KCTD8: variants seen among roughly 807,000 people sequenced by gnomAD.
KCTD8 encodes the protein potassium channel tetramerization domain containing 8, also known as BTB/POZ domain-containing protein KCTD8.
A neutral mutation model predicts 31.5 loss-of-function variants in KCTD8; 27 were observed. The observed-to-expected ratio is 0.86, with a 90% CI of 0.63 to 1.18. The LOEUF is 1.18. KCTD8 is among the 50% of genes most tolerant of loss of function. KCTD8 has a pLI of 0.00. For missense variants in KCTD8, 658 were observed against 647.7 expected, an observed-to-expected ratio of 1.02 and a Z score of -0.17; for synonymous variants, 290 against 280.0, an observed-to-expected ratio of 1.04 and a Z score of -0.36.
intron 1 of KCTD8, among the ~76,000 whole-genome samples, chr4:44,340,302 A>ATT (rs34679049): frequency 6.3e-5 from 9 of 143,072 alleles, no homozygotes; most frequent in Admixed American, 1.5e-4. Flanking sequence ...ACATATGTAC[A>ATT]TTTTTGTTTT....
At chr4:44,331,932 T>C (rs953235008) in intron 1 of KCTD8, among the ~76,000 whole-genome samples, 7 of 151,272 alleles carry the variant, frequency 4.6e-5, no homozygotes, top group Non-Finnish European at 8.9e-5. Flanking sequence ...TCCACGTAAA[T>C]AACTGTATCT....
At chr4:44,392,378 G>A (rs571470998) in intron 1 of KCTD8, among the ~76,000 whole-genome samples, 2 of 151,964 alleles carry the variant, frequency 1.3e-5, no homozygotes, top group South Asian at 4.1e-4. Flanking sequence ...ATAACATATT[G>A]TTGACAATAT....
intron 1 of KCTD8, among the ~76,000 whole-genome samples, chr4:44,217,332 T>C (rs1185628908): frequency 6.6e-6 from 1 of 152,084 alleles, no homozygotes; most frequent in Non-Finnish European, 1.5e-5. Flanking sequence ...TGACCCAAAA[T>C]TAAGGGTGGA....
chr4:44,244,783 C>T (rs923538614), intron 1 of KCTD8, among the ~76,000 whole-genome samples: 9 of 150,962 alleles, frequency 6.0e-5, no homozygotes. Context: ...GTTTCCTCAC[C>T]TCAGTCTACC....
chr4:44,292,728 A>G (rs1717317045), intron 1 of KCTD8, among the ~76,000 whole-genome samples: 1 of 152,164 alleles, frequency 6.6e-6, no homozygotes, highest in African/African-American at 2.4e-5. Flanking sequence ...AAAAAAGTCT[A>G]GGAAGTATCA....
At chr4:44,271,998 C>T (rs1716621824) in intron 1 of KCTD8, among the ~76,000 whole-genome samples, 1 of 151,748 alleles carries the variant, frequency 6.6e-6, no homozygotes, top group Admixed American at 6.6e-5. Flanking sequence ...GTTAGTTCCT[C>T]TATCAAATGA....
chr4:44,247,448 A>ATGTG (rs144194013), intron 1 of KCTD8, among the ~76,000 whole-genome samples: 1 of 151,376 alleles, frequency 6.6e-6, no homozygotes, highest in African/African-American at 2.4e-5. Context: ...TAGTGTGTGT[A>ATGTG]TGTGTGTGTG....
chr4:44,186,875 A>G (rs1022265176), intron 1 of KCTD8, among the ~76,000 whole-genome samples: 1 of 152,232 alleles, frequency 6.6e-6, no homozygotes, highest in Non-Finnish European at 1.5e-5. Flanking sequence ...AATATTATCT[A>G]CAAAATATTG....
At chr4:44,344,847 A>G (rs780900765) in intron 1 of KCTD8, among the ~76,000 whole-genome samples, 7 of 152,220 alleles carry the variant, frequency 4.6e-5, no homozygotes, top group Non-Finnish European at 1.0e-4. Context: ...CATTTGAGAA[A>G]CACTGCTCTA....
intron 1 of KCTD8, among the ~76,000 whole-genome samples, chr4:44,224,198 G>A (rs1714884032): frequency 6.6e-6 from 1 of 152,050 alleles, no homozygotes. Flanking sequence ...GATCCCTACT[G>A]CCTTATGAAT....
intron 1 of KCTD8, among the ~76,000 whole-genome samples, chr4:44,235,137 C>G (rs376048295): frequency 1.3e-5 from 2 of 149,856 alleles, no homozygotes; most frequent in Non-Finnish European, 3.0e-5. Flanking sequence ...TGATTATACA[C>G]TAGTAATAGT....
At chr4:44,255,713 C>A (rs181619699) in intron 1 of KCTD8, among the ~76,000 whole-genome samples, 351 of 151,640 alleles carry the variant, frequency 2.3e-3, no homozygotes, top group African/African-American at 8.1e-3. Context: ...ATCTTGTATC[C>A]CTGCCTGATG....
intron 1 of KCTD8, among the ~76,000 whole-genome samples, chr4:44,435,531 G>A (rs1192524112): frequency 6.6e-6 from 1 of 151,770 alleles, no homozygotes; most frequent in Admixed American, 6.6e-5. Flanking sequence ...TTTCCGAATT[G>A]ATAACTTGCA....
intron 1 of KCTD8, among the ~76,000 whole-genome samples, chr4:44,253,558 G>A (rs1040437210): frequency 2.6e-5 from 4 of 151,722 alleles, no homozygotes; most frequent in Admixed American, 6.6e-5. Context: ...CTTACTTTCC[G>A]TCTCTTATAT....
At position 44,268,749 on chromosome 4, in the gene KCTD8, A is replaced by G. The variant is rs578037147; in HGVS notation, c.962-93499T>C. ...ATCACAAACGTTCTTATACACCAAT[A>G]ACAGACAGAGAGCCAAATCATGAGT... is the stretch of plus-strand genomic sequence containing the variant. On this transcript the variant is annotated intron_variant, in intron 1 of 1. Transcript: ENST00000360029. Among the ~76,000 whole-genome samples, 54 of 152,098 alleles carry G rather than the reference A, an allele frequency of 3.6e-4. 1 individual carries two copies. In the South Asian group the frequency reaches 0.011, roughly 31 times the overall value.
intron 1 of KCTD8, among the ~76,000 whole-genome samples, chr4:44,441,691 C>T (rs1010779596): frequency 1.3e-5 from 2 of 152,150 alleles, no homozygotes; most frequent in Admixed American, 6.5e-5. Flanking sequence ...ACTTAATGTC[C>T]TAAATCATAG....
intron 1 of KCTD8, among the ~76,000 whole-genome samples, chr4:44,282,112 T>G (rs1414631312): frequency 6.6e-6 from 1 of 152,120 alleles, no homozygotes; most frequent in Non-Finnish European, 1.5e-5. Flanking sequence ...TGTGCTTTAC[T>G]TTATTGCACT....
chr4:44,396,191 G>A (rs894187659), intron 1 of KCTD8, among the ~76,000 whole-genome samples: 5 of 151,978 alleles, frequency 3.3e-5, no homozygotes, highest in African/African-American at 1.2e-4. Context: ...TTCACAATAG[G>A]GTTTGCACTC....
chr4:44,197,798 T>C (rs964261339), intron 1 of KCTD8, among the ~76,000 whole-genome samples: 1 of 152,170 alleles, frequency 6.6e-6, no homozygotes, highest in Non-Finnish European at 1.5e-5. Flanking sequence ...ATTCCAGCAA[T>C]GGTTTTTAAC....
Sources: allele counts gnomAD v4.1 joint callset (sites outside exome capture counted in the v4.1 genomes callset), GRCh38; gene constraint gnomAD v4.1.1; transcripts MANE v1.5; gene names NCBI Gene and HGNC (gene_info 2026-07-23, HGNC 2026-07-21).